NRXN3: variants seen among roughly 807,000 people sequenced by gnomAD.
NRXN3 encodes the protein neurexin III.
NRXN3 carries 32 observed loss-of-function variants against 137.6 expected under a neutral mutation model. The ratio of observed to expected loss-of-function variants is 0.23; its 90% confidence interval spans 0.18 to 0.31. The LOEUF is 0.31. Ranked by LOEUF, NRXN3 falls within the 10% of genes least tolerant of loss-of-function variation. The pLI is 1.00. For synonymous variants in NRXN3, 798 were observed against 784.5 expected (o/e 1.02, Z -0.29); for missense variants, 1,574 against 2,062.5 (o/e 0.76, Z 4.59).
chr14:79,582,152 A>G (rs1162854682), intron 16 of NRXN3, among the ~76,000 whole-genome samples: 1 of 152,170 alleles, frequency 6.6e-6, no homozygotes. Context: ...TATGTTGCAC[A>G]GACTGGTCTC....
In NRXN3 at chr14:79,094,979, A is replaced by AGAGAGTGT. The variant is rs553957969; in HGVS notation, c.3262+106839_3262+106840insAGAGTGTG. 9.8e-3 allele frequency among the ~76,000 whole-genome samples: 1,139 copies of AGAGAGTGT among 115,942 alleles called. 8 individuals are homozygous for AGAGAGTGT. Among genetic ancestry groups the AGAGAGTGT allele is most frequent in the East Asian group, 0.022 (83 of 3,746 alleles). The allele number at this position is 115,942 out of a possible 152,430, so 76.1% of individuals were successfully genotyped here. On this transcript the variant is annotated intron_variant, in intron 15 of 20. Transcript: ENST00000335750. ...GAGAGAGAGAGAGAGAGAGAGAGAG[A>AGAGAGTGT]GTGTGTGTGTGTGTGTGTGTGTGTG...
intron 16 of NRXN3, among the ~76,000 whole-genome samples, chr14:79,488,051 A>G (rs1343116011): frequency 6.6e-6 from 1 of 152,172 alleles, no homozygotes; most frequent in Non-Finnish European, 1.5e-5. Flanking sequence ...GATCATAAGC[A>G]GGCCCCCGAG....
intron 4 of NRXN3, among the ~76,000 whole-genome samples, chr14:78,298,357 TGTGG>T (rs1430078598): frequency 6.6e-6 from 1 of 152,232 alleles, no homozygotes; most frequent in Non-Finnish European, 1.5e-5. Flanking sequence ...AGGAAGCCCT[TGTGG>T]GTTTGACTGT....
At chr14:79,627,128 C>CT (rs376288932) in intron 16 of NRXN3, among the ~76,000 whole-genome samples, 37 of 152,270 alleles carry the variant, frequency 2.4e-4, no homozygotes, top group African/African-American at 8.9e-4. Context: ...TTGTGACTTT[C>CT]TATAGCTTTT....
intron 15 of NRXN3, among the ~76,000 whole-genome samples, chr14:79,175,354 G>T (rs2062222474): frequency 6.6e-6 from 1 of 152,144 alleles, no homozygotes; most frequent in Non-Finnish European, 1.5e-5. Context: ...AGATCAGTGT[G>T]GGATAAAGAA....
At chr14:78,530,581 A>G (rs980205842) in intron 4 of NRXN3, among the ~76,000 whole-genome samples, 1 of 152,176 alleles carries the variant, frequency 6.6e-6, no homozygotes, top group Non-Finnish European at 1.5e-5. Context: ...CTTTTATGCT[A>G]GGTATGGCTC....
At chr14:79,667,283 A>G (rs1029675233) in intron 17 of NRXN3, among the ~76,000 whole-genome samples, 35 of 152,108 alleles carry the variant, frequency 2.3e-4, no homozygotes, top group African/African-American at 8.4e-4. Context: ...TCAAGGGTTT[A>G]GTCTCACTAC....
At chr14:79,090,066 T>C (rs1435058876) in intron 15 of NRXN3, among the ~76,000 whole-genome samples, 1 of 152,164 alleles carries the variant, frequency 6.6e-6, no homozygotes, top group African/African-American at 2.4e-5. Context: ...TTTGCTAACA[T>C]GGATAGGTAT....
chr14:78,194,148 A>G (rs1430250224), intron 1 of NRXN3, among the ~76,000 whole-genome samples: 1 of 152,180 alleles, frequency 6.6e-6, no homozygotes, highest in Non-Finnish European at 1.5e-5. Context: ...GATTTTCTAG[A>G]TGCAGTGGGC....
chr14:79,552,030 C>T (rs1222432731), intron 16 of NRXN3, among the ~76,000 whole-genome samples: 1 of 152,124 alleles, frequency 6.6e-6, no homozygotes, highest in Non-Finnish European at 1.5e-5. Context: ...GTCTTCCTTC[C>T]CGTGGTTCAT....
chr14:79,799,067 G>C (rs767290364), intron 19 of NRXN3, among the ~76,000 whole-genome samples: 8 of 152,000 alleles, frequency 5.3e-5, no homozygotes, highest in Non-Finnish European at 1.0e-4. Flanking sequence ...AATAAACAAT[G>C]TTAGGAGGAA....
intron 8 of NRXN3, among the ~76,000 whole-genome samples, chr14:78,732,169 C>A (rs2098519084): frequency 6.6e-6 from 1 of 152,154 alleles, no homozygotes; most frequent in African/African-American, 2.4e-5. Flanking sequence ...GTACTCAGTA[C>A]CTCCTTAGAC....
intron 15 of NRXN3, among the ~76,000 whole-genome samples, chr14:79,454,669 G>T (rs2096233889): frequency 6.6e-6 from 1 of 152,036 alleles, no homozygotes; most frequent in Admixed American, 6.6e-5. Flanking sequence ...TAATGGCAAA[G>T]GCTATATAAT....
rs536955836 is a variant in NRXN3 at position 79,569,498 on chromosome 14, G to C, written c.3445-94280G>C. The stretch of plus-strand genomic sequence containing the variant: ...TATGCAGGCTCTGGGCTTAAGTTTT[G>C]ACTTAAGTTTAGAAATTGAGTAGTT... On this transcript the variant is annotated intron_variant, in intron 16 of 20. Transcript: ENST00000335750. 5.9e-5 allele frequency among the ~76,000 whole-genome samples: 9 copies of C among 152,144 alleles called. No homozygotes were observed. The South Asian group carries it at 6.2e-4, about 11-fold the overall frequency.
At chr14:78,968,465 C>T (rs1447229665) in intron 14 of NRXN3, 119 bp downstream of exon 14, 20 of 814,256 alleles carry the variant, frequency 2.5e-5, no homozygotes, top group East Asian at 8.2e-5. Flanking sequence ...TCATTTGCCA[C>T]GTGACATTGC....
chr14:78,443,593 A>G (rs1338243766), intron 4 of NRXN3, among the ~76,000 whole-genome samples: 1 of 152,320 alleles, frequency 6.6e-6, no homozygotes, highest in Non-Finnish European at 1.5e-5. Context: ...GAGTAAGAAG[A>G]TCACATAAAT....
intron 8 of NRXN3, among the ~76,000 whole-genome samples, chr14:78,759,812 A>C (rs1055687019): frequency 3.9e-5 from 6 of 152,270 alleles, no homozygotes; most frequent in African/African-American, 1.4e-4. Context: ...GGGCCTGGTA[A>C]GCAAAGTTTA....
chr14:79,746,487 T>C (rs578066707), intron 19 of NRXN3, among the ~76,000 whole-genome samples: 55 of 152,228 alleles, frequency 3.6e-4, no homozygotes, highest in Admixed American at 7.9e-4. Flanking sequence ...ATCACAGACC[T>C]GCAGAAATGG....
chr14:79,791,766 G>A (rs563411963), intron 19 of NRXN3, among the ~76,000 whole-genome samples: 1 of 152,106 alleles, frequency 6.6e-6, no homozygotes, highest in Admixed American at 6.6e-5. Flanking sequence ...ATCAAGAATA[G>A]AACAAGCATT....
Sources: gnomAD v4.1 joint callset for allele counts (sites outside exome capture counted in the v4.1 genomes callset) on GRCh38, gnomAD v4.1.1 for gene constraint, MANE v1.5 for transcripts, NCBI Gene and HGNC (gene_info 2026-07-23, HGNC 2026-07-21) for gene names.